SORCS3: variants seen among roughly 807,000 people sequenced by gnomAD.
The protein encoded by SORCS3 is sortilin related VPS10 domain containing receptor 3.
Under a neutral mutation model 146.3 loss-of-function variants are expected in SORCS3, and 57 were observed. The observed-to-expected ratio is 0.39, with a 90% CI of 0.31 to 0.49. SORCS3 has a LOEUF of 0.49. Ranked by LOEUF, SORCS3 falls within the 20% of genes least tolerant of loss-of-function variation. SORCS3 has a pLI of 0.92. For missense variants in SORCS3, 1,341 were observed against 1,575.5 expected (o/e 0.85, Z 2.52); for synonymous variants, 653 against 618.5 (o/e 1.06, Z -0.83).
At chr10:105,091,932 A>G (rs1188901939) in intron 6 of SORCS3, among the ~76,000 whole-genome samples, 3 of 152,262 alleles carry the variant, frequency 2.0e-5, no homozygotes, top group South Asian at 4.2e-4. Flanking sequence ...TGTTTAGGCC[A>G]TATTTGTGAT....
chr10:104,723,884 G>A (rs544305957), intron 1 of SORCS3, among the ~76,000 whole-genome samples: 1,802 of 152,188 alleles, frequency 0.012, 18 homozygotes, highest in Non-Finnish European at 0.019. Context: ...CACGTGAGAT[G>A]GGTTTCCTGA....
At chr10:105,171,381 C>T (rs2056358523) in intron 13 of SORCS3, among the ~76,000 whole-genome samples, 1 of 152,114 alleles carries the variant, frequency 6.6e-6, no homozygotes, top group Non-Finnish European at 1.5e-5. Flanking sequence ...AACAATGGGC[C>T]CCCACTGAAT....
intron 4 of SORCS3, among the ~76,000 whole-genome samples, chr10:105,037,651 T>A (rs557324710): frequency 6.6e-6 from 1 of 152,326 alleles, no homozygotes; most frequent in Admixed American, 6.5e-5. Flanking sequence ...TTTCTCCTTA[T>A]GAGAACACCA....
At chr10:105,007,390 C>A (rs2055102937) in intron 4 of SORCS3, among the ~76,000 whole-genome samples, 1 of 152,144 alleles carries the variant, frequency 6.6e-6, no homozygotes, top group South Asian at 2.1e-4. Flanking sequence ...CCAGGCAGTG[C>A]ACCAAACCTT....
chr10:104,824,534 A>T (rs2017913662), intron 1 of SORCS3, among the ~76,000 whole-genome samples: 1 of 152,210 alleles, frequency 6.6e-6, no homozygotes, highest in Admixed American at 6.5e-5. Flanking sequence ...ATGAATGCCC[A>T]ATCATGAGTT....
At chr10:105,074,122 G>A (rs757853270) in intron 5 of SORCS3, among the ~76,000 whole-genome samples, 60 of 152,154 alleles carry the variant, frequency 3.9e-4, no homozygotes, top group Non-Finnish European at 5.9e-5. Context: ...GAAATAAGGT[G>A]CCTGCCACAG....
At chr10:104,706,766 A>G (rs1407776912) in intron 1 of SORCS3, among the ~76,000 whole-genome samples, 2 of 152,212 alleles carry the variant, frequency 1.3e-5, no homozygotes, top group East Asian at 3.8e-4. Flanking sequence ...TATGTGTTTT[A>G]TTTATACCTA....
chr10:104,808,571 G>T (rs78951978), intron 1 of SORCS3, among the ~76,000 whole-genome samples: 4 of 152,132 alleles, frequency 2.6e-5, no homozygotes, highest in African/African-American at 9.7e-5. Context: ...ATGTGTGAAG[G>T]CCTGGAATCA....
intron 19 of SORCS3, among the ~76,000 whole-genome samples, chr10:105,219,304 C>G (rs2056684905): frequency 6.6e-6 from 1 of 152,188 alleles, no homozygotes; most frequent in Admixed American, 6.5e-5. Context: ...TCACACAGGA[C>G]ACTCCTTTAT....
chr10:105,075,242 C>G (rs1370869161), intron 5 of SORCS3, among the ~76,000 whole-genome samples: 1 of 152,164 alleles, frequency 6.6e-6, no homozygotes, highest in African/African-American at 2.4e-5. Context: ...GTCAGCAGAG[C>G]CCAGGGTGAG....
At chr10:104,958,988 C>T (rs1004420193) in intron 3 of SORCS3, among the ~76,000 whole-genome samples, 1 of 152,042 alleles carries the variant, frequency 6.6e-6, no homozygotes, top group African/African-American at 2.4e-5. Context: ...CCTCCATGAA[C>T]ACGTGGGGAT....
At chr10:104,826,403 A>G (rs953858831) in intron 1 of SORCS3, among the ~76,000 whole-genome samples, 1 of 152,214 alleles carries the variant, frequency 6.6e-6, no homozygotes, top group Non-Finnish European at 1.5e-5. Flanking sequence ...CCTCAGAGAT[A>G]TTGTGTGTTA....
chr10:104,819,233 A>C (rs1036764346), intron 1 of SORCS3, among the ~76,000 whole-genome samples: 3 of 152,124 alleles, frequency 2.0e-5, no homozygotes, highest in Non-Finnish European at 4.4e-5. Context: ...CTGTTCCCAG[A>C]GTGTACATAA....
intron 7 of SORCS3, among the ~76,000 whole-genome samples, chr10:105,115,455 C>G (rs1369782475): frequency 6.6e-6 from 1 of 152,164 alleles, no homozygotes; most frequent in Non-Finnish European, 1.5e-5. Context: ...ATTACTAGAT[C>G]TTTTCTCCAA....
rs766009113 is a variant in SORCS3, at chr10:105,167,287, C to T, written c.1839C>T (p.Phe613=). ...TTGATGAAGAGTACAATGTCTGGTT[C>T]CTAGACTGGGGTGGTGCCCTCGTGG... The part of the protein sequence containing the change: ...QIFDEEYNVW[F]LDWGGALVAM... The change falls in exon 13 of 27, where the codon TTC becomes TTT. Residue 613 remains phenylalanine (F), a synonymous_variant. Transcript: ENST00000369701. The T allele has an allele frequency of 6.2e-7, 1 of 1,613,326 alleles. No homozygotes were observed. The highest frequency in any genetic ancestry group is 8.5e-7 in the Non-Finnish European group (1 of 1,179,490).
intron 20 of SORCS3, among the ~76,000 whole-genome samples, chr10:105,236,211 G>A (rs1303152204): frequency 6.6e-6 from 1 of 152,110 alleles, no homozygotes; most frequent in Non-Finnish European, 1.5e-5. Flanking sequence ...TAAGCTCCCT[G>A]TCTGAGGTGA....
intron 1 of SORCS3, among the ~76,000 whole-genome samples, chr10:104,650,163 A>G (rs2015540835): frequency 6.6e-6 from 1 of 152,204 alleles, no homozygotes; most frequent in South Asian, 2.1e-4. Context: ...CACTGGTACA[A>G]TCCACTACTT....
Position 105,147,656 on chromosome 10 carries a change from G to T in SORCS3, c.1342G>T (p.Ala448Ser). 2 of 1,612,902 alleles carry T rather than the reference G, an allele frequency of 1.2e-6. No individual in the cohort carries two copies. The highest frequency in any genetic ancestry group is 2.2e-5 in the East Asian group (1 of 44,840). ...IISTDENQVF[A>S]AVQEWNQNDT... ...CAGTACAGACGAGAACCAAGTATTT[G>T]CTGCGGTCCAAGAATGGAACCAGAA... Residue 448 changes from alanine (A) to serine (S), a missense_variant, in exon 9 of 27, where the codon GCT (alanine) becomes TCT (serine). Ala to Ser is a moderately conservative substitution (Grantham distance 99). Coordinates refer to ENST00000369701, the MANE Select transcript of SORCS3 (RefSeq NM_014978.3).
At position 105,105,413 on chromosome 10, in the gene SORCS3, C is replaced by CT; in HGVS notation, c.1111dup (p.Cys371LeufsTer11). Reference sequence around the variant, plus strand: ...CTGTTTCAGATGCTCACTACCTCACCTGCAGGATCCAGGAATGTGCCGAGA... The same window carrying CT: ...CTGTTTCAGATGCTCACTACCTCACCTTGCAGGATCCAGGAATGTGCCGAGA... On this transcript the variant is annotated frameshift_variant, in exon 7 of 27. Coordinates refer to ENST00000369701, the MANE Select transcript of SORCS3 (RefSeq NM_014978.3). LOFTEE classifies it high-confidence loss of function. 6.2e-7 allele frequency: 1 copy of CT among 1,613,374 alleles called. No individual in the cohort carries two copies. Among genetic ancestry groups the CT allele is most frequent in the Non-Finnish European group, 8.5e-7 (1 of 1,179,454 alleles).
Sources: allele counts gnomAD v4.1 joint callset (sites outside exome capture counted in the v4.1 genomes callset), GRCh38; gene constraint gnomAD v4.1.1; transcripts MANE v1.5; gene names NCBI Gene and HGNC (gene_info 2026-07-23, HGNC 2026-07-21).